Variants in ROBO2 observed in about 807,000 individuals in gnomAD.
ROBO2 encodes the protein roundabout homolog 2.
ROBO2 carries 53 observed loss-of-function variants against 160.8 expected under a neutral mutation model. That is an observed-to-expected ratio of 0.33 (90% confidence interval 0.26 to 0.41). The LOEUF (loss-of-function observed/expected upper bound fraction) is 0.41. ROBO2 is among the 10% of genes least tolerant of loss of function. ROBO2 has a pLI of 1.00. For missense variants in ROBO2, 1,577 were observed against 1,722.4 expected (o/e 0.92, Z 1.49); for synonymous variants, 664 against 611.7 (o/e 1.09, Z -1.26).
intron 2 of ROBO2, among the ~76,000 whole-genome samples, chr3:76,129,290 G>A (rs752722911): frequency 2.0e-5 from 3 of 152,040 alleles, no homozygotes; most frequent in Non-Finnish European, 4.4e-5. Flanking sequence ...ATGAGATGAC[G>A]TGCACTCTAA....
At chr3:76,640,586 TTTGC>T (rs1359929391) in intron 2 of ROBO2, among the ~76,000 whole-genome samples, 17 of 34,854 alleles carry the variant, frequency 4.9e-4, no homozygotes, top group East Asian at 1.1e-3. Context: ...TCAATGCGTG[TTTGC>T]GTGTGAGTGT....
In ROBO2 at chr3:77,098,156, G is replaced by A. The variant is rs201531318; in HGVS notation, c.204G>A (p.Gly68=). Residue 68 remains glycine, a synonymous_variant, in exon 2 of 26, where the codon GGG becomes GGA. Coordinates refer to ENST00000461745, the Ensembl canonical transcript of ROBO2. ...CCACCATTGAGTGGTACAAAGATGG[G>A]GAGCGAGTGGAGACTGACAAGGACG... 160 of 1,614,200 alleles carry A rather than the reference G, an allele frequency of 9.9e-5. No individual in the cohort carries two copies. The South Asian group carries it at 1.4e-3, about 14-fold the overall frequency.
chr3:77,374,315 G>C (rs990195561), intron 2 of ROBO2, among the ~76,000 whole-genome samples: 3 of 151,626 alleles, frequency 2.0e-5, no homozygotes, highest in Non-Finnish European at 4.4e-5. Context: ...CATTAAATCT[G>C]GGTTTGAGTC....
At chr3:76,366,028 G>C (rs2075794985) in intron 2 of ROBO2, among the ~76,000 whole-genome samples, 1 of 151,876 alleles carries the variant, frequency 6.6e-6, no homozygotes, top group Non-Finnish European at 1.5e-5. Context: ...GAGGTAGCTG[G>C]GTCTCATGGA....
chr3:77,466,901 A>G (rs1479480916), intron 2 of ROBO2, among the ~76,000 whole-genome samples: 3 of 152,198 alleles, frequency 2.0e-5, no homozygotes, highest in African/African-American at 7.2e-5. Flanking sequence ...ATTCATGTTG[A>G]TCATGCACAT....
intron 2 of ROBO2, among the ~76,000 whole-genome samples, chr3:75,981,236 A>C (rs1355494881): frequency 6.6e-6 from 1 of 151,494 alleles, no homozygotes; most frequent in East Asian, 1.9e-4. Context: ...ACACAACCTT[A>C]TATTTTATTC....
intron 2 of ROBO2, among the ~76,000 whole-genome samples, chr3:76,397,346 C>T (rs1157745507): frequency 2.0e-5 from 3 of 152,020 alleles, no homozygotes; most frequent in African/African-American, 7.2e-5. Context: ...AAGACTTAAA[C>T]GTTACACCTA....
chr3:77,324,199 C>G (rs948288927), intron 2 of ROBO2, among the ~76,000 whole-genome samples: 15 of 152,138 alleles, frequency 9.9e-5, no homozygotes, highest in African/African-American at 3.6e-4. Context: ...AGCAAAAGAT[C>G]AGATCCAGTT....
At position 76,470,650 on chromosome 3, in the gene ROBO2, A is replaced by T. The variant is rs146123800; in HGVS notation, c.109+533048A>T. On this transcript the variant is annotated intron_variant, in intron 2 of 26. Coordinates refer to the ROBO2 transcript ENST00000487694. Reference sequence around the variant, plus strand: ...TATTGACAATGCAGCCTTAAAAGGAACATATTATAACTTTCACTATATTTT... The same window carrying T: ...TATTGACAATGCAGCCTTAAAAGGATCATATTATAACTTTCACTATATTTT... Among the ~76,000 whole-genome samples the T allele has an allele frequency of 5.9e-5, 9 of 152,244 alleles. No individual in the cohort carries two copies. In the East Asian group the frequency reaches 1.7e-3, roughly 29 times the overall value.
intron 3 of ROBO2, 104 bp from the exon 4 acceptor site, chr3:77,480,995 G>T (rs1467554576): frequency 1.9e-6 from 2 of 1,064,484 alleles, no homozygotes; most frequent in African/African-American, 3.2e-5. Flanking sequence ...TTTCCTTTGG[G>T]AAACAAATAT....
chr3:77,552,813 G>C (rs1258952616), intron 8 of ROBO2, among the ~76,000 whole-genome samples: 1 of 151,942 alleles, frequency 6.6e-6, no homozygotes, highest in Non-Finnish European at 1.5e-5. Flanking sequence ...ATATGAAGTT[G>C]CCACATTGGC....
intron 2 of ROBO2, among the ~76,000 whole-genome samples, chr3:76,774,306 A>G (rs960503724): frequency 2.7e-5 from 4 of 150,870 alleles, no homozygotes; most frequent in African/African-American, 9.7e-5. Flanking sequence ...CATAACAACA[A>G]ATTTATTGTA....
intron 2 of ROBO2, among the ~76,000 whole-genome samples, chr3:76,863,393 ACGT>A (rs1371800740): frequency 6.6e-6 from 1 of 151,188 alleles, no homozygotes; most frequent in Non-Finnish European, 1.5e-5. Flanking sequence ...AGCTGTGATT[ACGT>A]CACTCCATTC....
chr3:76,416,509 A>G (rs1375210628), intron 2 of ROBO2, among the ~76,000 whole-genome samples: 1 of 152,222 alleles, frequency 6.6e-6, no homozygotes, highest in Non-Finnish European at 1.5e-5. Flanking sequence ...CTTTGTAATT[A>G]AAAATTACTT....
intron 2 of ROBO2, among the ~76,000 whole-genome samples, chr3:77,445,005 C>T (rs762928697): frequency 3.3e-5 from 5 of 152,104 alleles, no homozygotes; most frequent in African/African-American, 9.7e-5. Context: ...CTTGAAATGG[C>T]GTATGGCTCT....
chr3:76,643,355 G>T (rs13077436), intron 2 of ROBO2, among the ~76,000 whole-genome samples: 30,943 of 152,086 alleles, frequency 0.2, 3,300 homozygotes, highest in Middle Eastern at 0.23. Context: ...AAATATGATT[G>T]AGATTTAAGT....
intron 2 of ROBO2, among the ~76,000 whole-genome samples, chr3:76,257,385 A>G (rs991537956): frequency 2.6e-5 from 4 of 152,094 alleles, no homozygotes; most frequent in Admixed American, 2.6e-4. Context: ...ATTTTCTATA[A>G]TATCTACTTG....
At chr3:76,047,222 T>C (rs976421545) in intron 2 of ROBO2, among the ~76,000 whole-genome samples, 1 of 152,218 alleles carries the variant, frequency 6.6e-6, no homozygotes, top group African/African-American at 2.4e-5. Flanking sequence ...ATGCTAATCC[T>C]ATTTCTCAGT....
intron 2 of ROBO2, among the ~76,000 whole-genome samples, chr3:77,299,444 G>A (rs1347449024): frequency 3.3e-5 from 5 of 152,112 alleles, no homozygotes; most frequent in African/African-American, 7.2e-5. Context: ...ACAGTTGAAC[G>A]GGGCTGGAGA....
Sources: gnomAD v4.1 joint callset for allele counts (sites outside exome capture counted in the v4.1 genomes callset) on GRCh38, gnomAD v4.1.1 for gene constraint, MANE v1.5 for transcripts, NCBI Gene and HGNC (gene_info 2026-07-23, HGNC 2026-07-21) for gene names.